Variants in COL22A1 observed in about 807,000 individuals in gnomAD.
COL22A1 encodes collagen type XXII alpha 1 chain, also known as collagen alpha-1(XXII) chain.
COL22A1 carries 221 observed loss-of-function variants against 248.9 expected under a neutral mutation model. The ratio of observed to expected loss-of-function variants is 0.89; its 90% CI spans 0.80 to 0.99. The LOEUF is 0.99. COL22A1 is among the 50% of genes least tolerant of loss of function. COL22A1 has a pLI of 0.00. For synonymous variants in COL22A1, 891 were observed against 793.4 expected (o/e 1.12, Z -2.07); for missense variants, 2,240 against 2,179.0 (o/e 1.03, Z -0.56).
intron 7 of COL22A1, among the ~76,000 whole-genome samples, chr8:138,813,544 G>A (rs1818422366): frequency 6.6e-6 from 1 of 152,152 alleles, no homozygotes; most frequent in Non-Finnish European, 1.5e-5. Flanking sequence ...TCTTGAGTAT[G>A]TCGTTATTAG....
intron 42 of COL22A1, among the ~76,000 whole-genome samples, chr8:138,662,413 T>C (rs1446058439): frequency 3.3e-5 from 5 of 152,146 alleles, no homozygotes; most frequent in Admixed American, 3.3e-4. Context: ...GCTCACTCCT[T>C]TCATGTCCTA....
In COL22A1 at chr8:138,762,480, G is replaced by A. The variant is rs6994084; in HGVS notation, c.1804-14C>T. ...GCCTCGCTCTCCCTGGCAAAAGAAG[G>A]CAAATGGTGAAATAAAGAGGTTAGT... On this transcript the variant is annotated splice_polypyrimidine_tract_variant and intron_variant, in intron 16 of 64. Coordinates refer to ENST00000303045, the MANE Select transcript of COL22A1 (RefSeq NM_152888.3). 6.7e-5 allele frequency: 108 copies of A among 1,613,800 alleles called. No homozygotes were observed. In the African/African-American group the frequency reaches 1.1e-3, roughly 16 times the overall value.
At chr8:138,771,722 G>A (rs1320271) in intron 16 of COL22A1, among the ~76,000 whole-genome samples, 124,580 of 152,184 alleles carry the variant, frequency 0.82, 51,549 homozygotes, top group Non-Finnish European at 0.88. Context: ...TGGACCGGAC[G>A]CTGTTCCTGT....
chr8:138,817,301 C>A (rs919983703), intron 7 of COL22A1, among the ~76,000 whole-genome samples: 1 of 152,154 alleles, frequency 6.6e-6, no homozygotes, highest in African/African-American at 2.4e-5. Flanking sequence ...CTCTGGAGCC[C>A]GTCAAGAATA....
chr8:138,716,441 G>T (rs988218063), intron 28 of COL22A1, 152 bp from the exon 29 acceptor site: 4 of 623,308 alleles, frequency 6.4e-6, no homozygotes, highest in Non-Finnish European at 1.1e-5. Flanking sequence ...GGAGAAAGCG[G>T]AATTCTAGAG....
Position 138,690,886 on chromosome 8 carries a change from C to T in COL22A1, c.2755-12G>A. The T allele has an allele frequency of 1.2e-6, 2 of 1,603,816 alleles. No homozygotes were observed. Among genetic ancestry groups the T allele is most frequent in the Non-Finnish European group, 1.7e-6 (2 of 1,175,648 alleles). The stretch of plus-strand genomic sequence containing the variant: ...TGTCCGGGAGCACCCTGTTCAGAGA[C>T]AGAAGTTTAGAAAGGCCAAACGCAT... On this transcript the variant is annotated splice_polypyrimidine_tract_variant and intron_variant, in intron 35 of 64. Transcript: ENST00000303045.
intron 1 of COL22A1, among the ~76,000 whole-genome samples, chr8:138,907,955 GTTC>G (rs1489451686): frequency 6.6e-6 from 1 of 152,166 alleles, no homozygotes; most frequent in Non-Finnish European, 1.5e-5. Flanking sequence ...TGGGGATGAA[GTTC>G]CCAACACATG....
In COL22A1 at chr8:138,833,750, C is replaced by T. The variant is rs11776918; in HGVS notation, c.734-600G>A. ...TTTCCCTCTAAGAGAGGACCTTATACGCATTGTCAATGTAAAGTAACAGAA... is the reference window on the plus strand; with the variant it reads ...TTTCCCTCTAAGAGAGGACCTTATATGCATTGTCAATGTAAAGTAACAGAA... On this transcript the variant is annotated intron_variant, in intron 4 of 64. Coordinates refer to ENST00000303045, the MANE Select transcript of COL22A1 (RefSeq NM_152888.3). Among the ~76,000 whole-genome samples, 1,156 of 152,216 alleles carry T rather than the reference C, an allele frequency of 7.6e-3. 8 individuals carry two copies. Among genetic ancestry groups the T allele is most frequent in the Non-Finnish European group, 0.013 (870 of 68,018 alleles).
chr8:138,799,646 C>G (rs1213464559), intron 11 of COL22A1, among the ~76,000 whole-genome samples: 1 of 152,170 alleles, frequency 6.6e-6, no homozygotes, highest in Non-Finnish European at 1.5e-5. Flanking sequence ...AAGTCTCTTT[C>G]TTGATTTCTC....
intron 31 of COL22A1, among the ~76,000 whole-genome samples, chr8:138,701,220 C>A (rs1827938089): frequency 6.6e-6 from 1 of 152,166 alleles, no homozygotes; most frequent in Non-Finnish European, 1.5e-5. Context: ...GTTGATGCAT[C>A]TTGTTCTTTT....
At chr8:138,626,162 T>A in intron 51 of COL22A1, 28 bp downstream of exon 51, 1 of 1,564,960 alleles carries the variant, frequency 6.4e-7, no homozygotes, top group South Asian at 1.2e-5. Context: ...TTTGTTTTTG[T>A]TTGTTTGTTT....
intron 15 of COL22A1, among the ~76,000 whole-genome samples, chr8:138,776,816 T>C (rs577980322): frequency 6.6e-6 from 1 of 152,290 alleles, no homozygotes; most frequent in African/African-American, 2.4e-5. Context: ...CTAATACACA[T>C]TTGTTGAATG....
intron 64 of COL22A1, among the ~76,000 whole-genome samples, chr8:138,590,906 A>G (rs1816983916): frequency 6.6e-6 from 1 of 152,206 alleles, no homozygotes; most frequent in African/African-American, 2.4e-5. Flanking sequence ...TGGGACAGCT[A>G]ACCACCCTAC....
At chr8:138,626,098 T>G in intron 51 of COL22A1, 92 bp downstream of exon 51, 2 of 971,194 alleles carry the variant, frequency 2.1e-6, no homozygotes, top group Non-Finnish European at 3.1e-6. Context: ...GGCCAGGCCT[T>G]GTTTTGACAG....
chr8:138,724,116 T>G (rs1830114320), intron 25 of COL22A1, among the ~76,000 whole-genome samples: 1 of 152,126 alleles, frequency 6.6e-6, no homozygotes, highest in Non-Finnish European at 1.5e-5. Context: ...CAAGCCAACT[T>G]TAACTGTGCC....
At chr8:138,859,812 T>A (rs1244129776) in intron 3 of COL22A1, among the ~76,000 whole-genome samples, 1 of 152,198 alleles carries the variant, frequency 6.6e-6, no homozygotes, top group Non-Finnish European at 1.5e-5. Flanking sequence ...CATCCCTGCA[T>A]GGCTGTGAGC....
chr8:138,872,679 T>C (rs374687830), intron 3 of COL22A1, among the ~76,000 whole-genome samples: 12 of 152,246 alleles, frequency 7.9e-5, no homozygotes, highest in African/African-American at 2.7e-4. Context: ...AGGCTGAGAT[T>C]GCTTCCCCTG....
rs200319040 is a variant in COL22A1, at chr8:138,694,548, C to G, written c.2660G>C (p.Arg887Pro). The G allele has an allele frequency of 1.2e-6, 2 of 1,614,060 alleles. No individual in the cohort carries two copies. Among genetic ancestry groups the G allele is most frequent in the Admixed American group, 1.7e-5 (1 of 60,012 alleles). ...GLPGEPGLQGRPGELGPQGPT... is the reference protein window; with the variant it reads ...GLPGEPGLQGPPGELGPQGPT... ...TCCCTGAGGCCCCAATTCTCCAGGACGGCCCTGCAGTCCCTGTAAGCACAC... is the reference window on the plus strand; with the variant it reads ...TCCCTGAGGCCCCAATTCTCCAGGAGGGCCCTGCAGTCCCTGTAAGCACAC... Residue 887 changes from arginine (R) to proline (P), a missense_variant, in exon 34 of 65, where the codon CGT becomes CCT. Coordinates refer to ENST00000303045, the MANE Select transcript of COL22A1 (RefSeq NM_152888.3).
In COL22A1 at chr8:138,799,353, C is replaced by T. The variant is rs140064586; in HGVS notation, c.1558-2496G>A. ...AGTTTCTCTTGTCTGCTGCCTTTTT[C>T]GGTTTATGTCACATTTTTCTGTTTC... is the stretch of plus-strand genomic sequence containing the variant. On this transcript the variant is annotated intron_variant, in intron 11 of 64. Coordinates refer to ENST00000303045, the MANE Select transcript of COL22A1 (RefSeq NM_152888.3). 2.1e-3 allele frequency among the ~76,000 whole-genome samples: 324 copies of T among 152,208 alleles called. 1 individual carries two copies. Among genetic ancestry groups the T allele is most frequent in the African/African-American group, 6.8e-3 (283 of 41,542 alleles).
Sources: gnomAD v4.1 joint callset for allele counts (sites outside exome capture counted in the v4.1 genomes callset) on GRCh38, gnomAD v4.1.1 for gene constraint, MANE v1.5 for transcripts, NCBI Gene and HGNC (gene_info 2026-07-23, HGNC 2026-07-21) for gene names.